Variants in EGFLAM observed in about 807,000 individuals in gnomAD.
EGFLAM encodes the protein EGF like, fibronectin type III and laminin G domains, also known as pikachurin.
In EGFLAM, 79 loss-of-function variants were observed where a neutral mutation model predicts 113.1. The ratio of observed to expected loss-of-function variants is 0.70; its 90% CI spans 0.58 to 0.84. The LOEUF is 0.84. Ranked by LOEUF, EGFLAM falls within the 40% of genes least tolerant of loss-of-function variation. EGFLAM has a pLI of 0.00. For missense variants in EGFLAM, 1,265 were observed against 1,291.6 expected (o/e 0.98, Z 0.32); for synonymous variants, 504 against 487.6 (o/e 1.03, Z -0.44).
intron 1 of EGFLAM, among the ~76,000 whole-genome samples, chr5:38,269,639 GCCA>G (rs1757720522): frequency 6.6e-6 from 1 of 151,868 alleles, no homozygotes. Context: ...ACAGGTGCGC[GCCA>G]CCATGCCCAG....
At chr5:38,333,163 G>GT (rs1480315401) in intron 1 of EGFLAM, among the ~76,000 whole-genome samples, 1 of 152,122 alleles carries the variant, frequency 6.6e-6, no homozygotes, top group Admixed American at 6.5e-5. Flanking sequence ...AATATTCCAT[G>GT]GTGTATAGGT....
chr5:38,279,479 C>G (rs1300840628), intron 1 of EGFLAM, among the ~76,000 whole-genome samples: 1 of 152,158 alleles, frequency 6.6e-6, no homozygotes, highest in Admixed American at 6.5e-5. Context: ...AGTTCATCAA[C>G]AGATGAACAG....
chr5:38,307,479 A>G (rs1453073081), intron 1 of EGFLAM, among the ~76,000 whole-genome samples: 1 of 152,188 alleles, frequency 6.6e-6, no homozygotes, highest in Non-Finnish European at 1.5e-5. Flanking sequence ...GAAGAAGGAC[A>G]TGTTTCCTTC....
intron 1 of EGFLAM, among the ~76,000 whole-genome samples, chr5:38,277,534 A>C (rs1757916269): frequency 6.6e-6 from 1 of 152,172 alleles, no homozygotes; most frequent in Non-Finnish European, 1.5e-5. Flanking sequence ...TACTCTTATT[A>C]AACATTGTAC....
intron 10 of EGFLAM, among the ~76,000 whole-genome samples, chr5:38,411,483 C>CTTTT (rs759299989): frequency 1.4e-4 from 16 of 113,388 alleles, no homozygotes; most frequent in East Asian, 2.6e-4. Flanking sequence ...TCATTAATTT[C>CTTTT]TTTTTTTTTT....
chr5:38,434,618 C>G (rs1742287508), intron 15 of EGFLAM, among the ~76,000 whole-genome samples: 1 of 152,222 alleles, frequency 6.6e-6, no homozygotes, highest in South Asian at 2.1e-4. Context: ...TGATACATAT[C>G]CACCAATGGT....
chr5:38,349,165 C>T (rs1027480134), intron 3 of EGFLAM, among the ~76,000 whole-genome samples: 1 of 152,196 alleles, frequency 6.6e-6, no homozygotes, highest in African/African-American at 2.4e-5. Context: ...AAGTATAAGA[C>T]ATGGTCCCTG....
chr5:38,274,547 G>C (rs1233265282), intron 1 of EGFLAM, among the ~76,000 whole-genome samples: 1 of 151,162 alleles, frequency 6.6e-6, no homozygotes, highest in African/African-American at 2.4e-5. Flanking sequence ...AGGGTGGGAT[G>C]ATATACTCAG....
At chr5:38,372,635 T>A (rs1740254839) in intron 6 of EGFLAM, among the ~76,000 whole-genome samples, 1 of 152,232 alleles carries the variant, frequency 6.6e-6, no homozygotes, top group Admixed American at 6.5e-5. Context: ...ATTTTAAAAT[T>A]TCAAAGTAAT....
At chr5:38,388,605 TATAA>T in intron 6 of EGFLAM, among the ~76,000 whole-genome samples, 1 of 151,474 alleles carries the variant, frequency 6.6e-6, no homozygotes, top group African/African-American at 2.4e-5. Flanking sequence ...TATATGTATA[TATAA>T]ATTAGCCCGG....
intron 1 of EGFLAM, among the ~76,000 whole-genome samples, chr5:38,292,317 C>T (rs2111797228): frequency 6.6e-6 from 1 of 152,286 alleles, no homozygotes; most frequent in East Asian, 1.9e-4. Flanking sequence ...ATTGTCCACT[C>T]CTTTGTTCTT....
intron 3 of EGFLAM, among the ~76,000 whole-genome samples, chr5:38,348,803 A>G (rs372447880): frequency 8.3e-4 from 127 of 152,244 alleles, no homozygotes; most frequent in African/African-American, 3.0e-3. Flanking sequence ...TAGGGGGATC[A>G]GGACAATGAG....
At chr5:38,429,700 TTTA>T (rs1362742035) in intron 14 of EGFLAM, among the ~76,000 whole-genome samples, 1 of 152,234 alleles carries the variant, frequency 6.6e-6, no homozygotes, top group African/African-American at 2.4e-5. Flanking sequence ...CTCCCAATAT[TTTA>T]TTATGAAAAA....
At chr5:38,366,058 A>T (rs1740050867) in intron 5 of EGFLAM, among the ~76,000 whole-genome samples, 1 of 152,228 alleles carries the variant, frequency 6.6e-6, no homozygotes, top group South Asian at 2.1e-4. Context: ...TGGAAAACAC[A>T]GAAGCTTTCC....
intron 3 of EGFLAM, among the ~76,000 whole-genome samples, chr5:38,350,243 A>G (rs537853608): frequency 6.6e-6 from 1 of 152,324 alleles, no homozygotes; most frequent in East Asian, 1.9e-4. Flanking sequence ...TCACAGTAAC[A>G]TTTGCTAGTG....
At chr5:38,384,847 G>T (rs550920258) in intron 6 of EGFLAM, among the ~76,000 whole-genome samples, 2 of 152,178 alleles carry the variant, frequency 1.3e-5, no homozygotes, top group South Asian at 4.2e-4. Context: ...GATTTCAACT[G>T]GGGGTGATTT....
rs766318974 is a variant in EGFLAM, at chr5:38,418,122, C to T, written c.1551C>T (p.Ser517=). The change falls in exon 12 of 22, where the codon AGC becomes AGT. Residue 517 remains serine, a synonymous_variant. Transcript: ENST00000322350. Reference sequence around the variant, plus strand: ...CTCTCTATCTTGGTGGCGCTCCCAGCGCTTACTGGTTGGTTAGAGCAACAG... The same window carrying T: ...CTCTCTATCTTGGTGGCGCTCCCAGTGCTTACTGGTTGGTTAGAGCAACAG... ...RTPLYLGGAP[S]AYWLVRATGT... 22 of 1,614,020 alleles carry T rather than the reference C, an allele frequency of 1.4e-5. No homozygotes were observed. The highest frequency in any genetic ancestry group is 6.7e-5 in the Admixed American group (4 of 60,004).
rs142401286 is a variant in EGFLAM, at chr5:38,312,693, A to G, written c.98-24827A>G. ...CTTGTCCTGATTTTGTAAAGTGCCC[A>G]AAGCTTGGCACCTGACACAGTCAAA... On this transcript the variant is annotated intron_variant, in intron 1 of 21. Coordinates refer to ENST00000322350, the MANE Select transcript of EGFLAM (RefSeq NM_152403.4). 8.0e-3 allele frequency among the ~76,000 whole-genome samples: 1,217 copies of G among 152,366 alleles called. 6 individuals carry two copies. Among genetic ancestry groups the G allele is most frequent in the Middle Eastern group, 0.014 (4 of 294 alleles).
chr5:38,273,575 G>A (rs989199456), intron 1 of EGFLAM, among the ~76,000 whole-genome samples: 5 of 152,250 alleles, frequency 3.3e-5, no homozygotes, highest in African/African-American at 1.2e-4. Context: ...GACAGCTTTA[G>A]CAGCCATGGG....
Sources: allele counts gnomAD v4.1 joint callset (sites outside exome capture counted in the v4.1 genomes callset), GRCh38; gene constraint gnomAD v4.1.1; transcripts MANE v1.5; gene names NCBI Gene and HGNC (gene_info 2026-07-23, HGNC 2026-07-21).